Variants in DYRK1A observed in about 807,000 individuals in gnomAD.
DYRK1A encodes dual specificity tyrosine phosphorylation regulated kinase 1A.
DYRK1A carries 9 observed loss-of-function variants against 79.7 expected under a neutral mutation model. That is an observed-to-expected ratio of 0.11 (90% CI 0.07 to 0.20). DYRK1A has a LOEUF of 0.20. Among genes scored for constraint, DYRK1A ranks in the 10% least tolerant of loss-of-function variants. The pLI, the probability that DYRK1A is intolerant of heterozygous loss-of-function variation, is 1.00. For synonymous variants in DYRK1A, 349 were observed against 329.7 expected (o/e 1.06, Z -0.63); for missense variants, 622 against 956.0 (o/e 0.65, Z 4.61).
chr21:37,519,736 G>GTTTTTTTTTTTTTTTTTTT lies in DYRK1A; in HGVS notation c.*7210_*7228dup, dbSNP rs10590534. 2.3e-5 allele frequency: 2 copies of GTTTTTTTTTTTTTTTTTTT among 85,802 alleles called. No homozygotes were observed. The highest frequency in any genetic ancestry group is 9.7e-5 in the African/African-American group (2 of 20,580). 5.3% of individuals were successfully genotyped at this position (85,802 alleles called of 1,614,324 possible). A position where few individuals can be genotyped will look rare whatever the true frequency, so the allele number is the denominator to read the frequency against. On this transcript the variant is annotated 3_prime_UTR_variant, in exon 12 of 12. Transcript: ENST00000647188. The stretch of plus-strand genomic sequence containing the variant: ...AGAGTTTTGAGGTTTGTTGTGGGAA[G>GTTTTTTTTTTTTTTTTTTT]TTTTTTTTTTTTTTTTTTTTTTTGA...
chr21:37,386,703 A>G (rs1474877303), intron 1 of DYRK1A, among the ~76,000 whole-genome samples: 1 of 147,834 alleles, frequency 6.8e-6, no homozygotes, highest in Non-Finnish European at 1.5e-5. Flanking sequence ...AATTCCAGGG[A>G]CAGGCTCAGG....
At chr21:37,388,241 CCTGA>C (rs1283602735) in intron 1 of DYRK1A, among the ~76,000 whole-genome samples, 1 of 151,378 alleles carries the variant, frequency 6.6e-6, no homozygotes, top group African/African-American at 2.4e-5. Flanking sequence ...TACCACCTTG[CCTGA>C]CTAATTTTTC....
At chr21:37,376,765 T>C (rs2049550243) in intron 1 of DYRK1A, among the ~76,000 whole-genome samples, 1 of 152,066 alleles carries the variant, frequency 6.6e-6, no homozygotes, top group African/African-American at 2.4e-5. Flanking sequence ...ACATATAAGG[T>C]ACGGTTCTGA....
chr21:37,376,800 A>G (rs1240172978), intron 1 of DYRK1A, among the ~76,000 whole-genome samples: 1 of 151,920 alleles, frequency 6.6e-6, no homozygotes, highest in Non-Finnish European at 1.5e-5. Context: ...CTAGTTTTTA[A>G]AGAGATCCAC....
intron 1 of DYRK1A, among the ~76,000 whole-genome samples, chr21:37,400,149 A>G (rs1471496273): frequency 6.6e-6 from 1 of 151,858 alleles, no homozygotes; most frequent in Non-Finnish European, 1.5e-5. Context: ...GCATTACTTG[A>G]CTTGTGGCCA....
chr21:37,398,905 T>C (rs1379115146), intron 1 of DYRK1A, among the ~76,000 whole-genome samples: 1 of 113,464 alleles, frequency 8.8e-6, no homozygotes, highest in Non-Finnish European at 2.0e-5. Flanking sequence ...GAGGAGAAAC[T>C]TTTTTTTTTT....
At chr21:37,421,617 C>G (rs2050478722) in intron 2 of DYRK1A, among the ~76,000 whole-genome samples, 1 of 152,102 alleles carries the variant, frequency 6.6e-6, no homozygotes. Flanking sequence ...GGTACACATT[C>G]TGGCTGAGTT....
intron 5 of DYRK1A, among the ~76,000 whole-genome samples, chr21:37,482,873 G>C (rs1427588226): frequency 6.6e-6 from 1 of 152,178 alleles, no homozygotes; most frequent in Non-Finnish European, 1.5e-5. Context: ...ATTTGCTTTT[G>C]AAAGAAGAGA....
intron 1 of DYRK1A, among the ~76,000 whole-genome samples, chr21:37,402,430 C>G (rs1259758337): frequency 6.6e-6 from 1 of 152,064 alleles, no homozygotes; most frequent in Non-Finnish European, 1.5e-5. Flanking sequence ...AATGGTGTTC[C>G]ATTGTCTTCT....
chr21:37,471,505 G>A (rs2148553614), intron 2 of DYRK1A, among the ~76,000 whole-genome samples: 1 of 152,326 alleles, frequency 6.6e-6, no homozygotes, highest in African/African-American at 2.4e-5. Context: ...TACAGTACTT[G>A]CAGATAACAT....
intron 2 of DYRK1A, among the ~76,000 whole-genome samples, chr21:37,471,322 C>T (rs748639615): frequency 3.3e-5 from 5 of 152,252 alleles, no homozygotes; most frequent in Middle Eastern, 3.4e-3. Flanking sequence ...TCGTTGACTG[C>T]GTAGGAAATG....
intron 2 of DYRK1A, among the ~76,000 whole-genome samples, chr21:37,448,394 A>G (rs949501121): frequency 9.2e-5 from 14 of 152,188 alleles, no homozygotes; most frequent in African/African-American, 3.1e-4. Context: ...CTTCAGAACA[A>G]TGCTGGTGCC....
intron 2 of DYRK1A, chr21:37,430,428 A>G: frequency 1.0e-6 from 1 of 983,998 alleles, no homozygotes; most frequent in South Asian, 4.7e-5. Context: ...AGATGATTTA[A>G]TTCTATGATA....
At chr21:37,445,411 C>T (rs1404985043) in intron 2 of DYRK1A, among the ~76,000 whole-genome samples, 3 of 152,160 alleles carry the variant, frequency 2.0e-5, no homozygotes, top group African/African-American at 7.2e-5. Flanking sequence ...TGAGCATTTA[C>T]TGTGCCAAGC....
At chr21:37,486,337 G>T in intron 5 of DYRK1A, 130 bp from the exon 6 acceptor site, 1 of 646,888 alleles carries the variant, frequency 1.5e-6, no homozygotes. Context: ...TTCTACTTAG[G>T]AAGGTCAGAA....
At chr21:37,380,436 A>G (rs748646720) in intron 1 of DYRK1A, among the ~76,000 whole-genome samples, 12 of 151,698 alleles carry the variant, frequency 7.9e-5, no homozygotes, top group Non-Finnish European at 1.5e-4. Flanking sequence ...GTTCTGTAGT[A>G]CAATTTAAAA....
At position 37,401,977 on chromosome 21, in the gene DYRK1A, A is replaced by G. The variant is rs73413137; in HGVS notation, c.-76-18322A>G. 8.9e-3 allele frequency among the ~76,000 whole-genome samples: 1,349 copies of G among 152,208 alleles called. 21 individuals carry two copies. Among genetic ancestry groups the G allele is most frequent in the African/African-American group, 0.031 (1,272 of 41,524 alleles). Reference sequence around the variant, plus strand: ...TTGCAACTCCTACTTCACACTGACAATTTCCACTTCCCACTTCCCATTCCC... The same window carrying G: ...TTGCAACTCCTACTTCACACTGACAGTTTCCACTTCCCACTTCCCATTCCC... On this transcript the variant is annotated intron_variant, in intron 1 of 11. Transcript: ENST00000647188.
chr21:37,493,945 T>C (rs2053178191), intron 8 of DYRK1A, among the ~76,000 whole-genome samples: 1 of 148,758 alleles, frequency 6.7e-6, no homozygotes, highest in Non-Finnish European at 1.5e-5. Context: ...TTTTTTTTTT[T>C]TTTTTTTTTC....
At chr21:37,462,677 C>T (rs1020806333) in intron 2 of DYRK1A, among the ~76,000 whole-genome samples, 1 of 152,094 alleles carries the variant, frequency 6.6e-6, no homozygotes, top group African/African-American at 2.4e-5. Context: ...GCACAAATTC[C>T]AGCCAATTCA....
Sources: gnomAD v4.1 joint callset for allele counts (sites outside exome capture counted in the v4.1 genomes callset) on GRCh38, gnomAD v4.1.1 for gene constraint, MANE v1.5 for transcripts, NCBI Gene and HGNC (gene_info 2026-07-23, HGNC 2026-07-21) for gene names.